ZNF385B: variants seen among roughly 807,000 people sequenced by gnomAD.
ZNF385B encodes the protein zinc finger protein 533.
In ZNF385B, 23 loss-of-function variants were observed where a neutral mutation model predicts 39.2. The observed-to-expected ratio is 0.59, with a 90% CI of 0.42 to 0.83. The LOEUF (loss-of-function observed/expected upper bound fraction) is 0.83, where lower values mean the gene tolerates loss of function less well. Ranked by LOEUF, ZNF385B falls within the 40% of genes least tolerant of loss-of-function variation. The probability of loss-of-function intolerance (pLI) is 0.00; values close to 1 mark genes in which losing one functional copy is unlikely to be tolerated. For synonymous variants in ZNF385B, 205 were observed against 222.6 expected, an observed-to-expected ratio of 0.92 and a Z score of 0.70; for missense variants, 552 against 598.9, an observed-to-expected ratio of 0.92 and a Z score of 0.82.
chr2:179,598,357 A>C (rs1476419824), intron 3 of ZNF385B, among the ~76,000 whole-genome samples: 2 of 152,004 alleles, frequency 1.3e-5, no homozygotes, highest in Non-Finnish European at 2.9e-5. Flanking sequence ...TGAATGGGGT[A>C]TGGACTGGGC....
intron 5 of ZNF385B, among the ~76,000 whole-genome samples, chr2:179,488,876 T>G (rs1182187572): frequency 1.3e-5 from 2 of 152,172 alleles, no homozygotes; most frequent in Admixed American, 6.5e-5. Context: ...TGATTTATTC[T>G]GCAAAAAATT....
intron 3 of ZNF385B, among the ~76,000 whole-genome samples, chr2:179,747,486 GA>G (rs1298150961): frequency 7.9e-5 from 12 of 152,078 alleles, no homozygotes; most frequent in African/African-American, 2.9e-4. Flanking sequence ...GGGCATCATT[GA>G]CTTTGCAATT....
intron 6 of ZNF385B, among the ~76,000 whole-genome samples, chr2:179,456,978 C>A: frequency 6.6e-6 from 1 of 151,960 alleles, no homozygotes; most frequent in East Asian, 1.9e-4. Flanking sequence ...TGTATACATT[C>A]ACGTAAATAC....
chr2:179,737,112 A>G (rs970625633), intron 3 of ZNF385B, among the ~76,000 whole-genome samples: 14 of 152,208 alleles, frequency 9.2e-5, no homozygotes, highest in African/African-American at 3.4e-4. Flanking sequence ...AAATGCAAAC[A>G]TTCAAGCTGG....
chr2:179,728,429 C>G (rs1270840978), intron 3 of ZNF385B, among the ~76,000 whole-genome samples: 1 of 152,070 alleles, frequency 6.6e-6, no homozygotes, highest in Non-Finnish European at 1.5e-5. Flanking sequence ...CTGAAGGTAT[C>G]AAAATCCATT....
rs745563856 is a variant in ZNF385B, at chr2:179,769,556, T to C, written c.245A>G (p.Asp82Gly). Residue 82 changes from aspartate (D) to glycine (G), a missense_variant, in exon 3 of 10, where the codon GAT becomes GGT. By Grantham distance (94) the Asp-to-Gly change is moderately conservative. Transcript: ENST00000410066. Reference sequence around the variant, plus strand: ...CTGGGCGGGTGGTGGGGGCTGCCCATCACTCAGCTGCTTCACTCGTTTGCG... The same window carrying C: ...CTGGGCGGGTGGTGGGGGCTGCCCACCACTCAGCTGCTTCACTCGTTTGCG... ...SHRKRVKQLS[D>G]GQPPPPAQAS... The C allele has an allele frequency of 8.1e-6, 13 of 1,614,118 alleles. No homozygotes were observed. The highest frequency in any genetic ancestry group is 1.0e-5 in the Non-Finnish European group (12 of 1,180,010).
intron 3 of ZNF385B, chr2:179,562,341 A>G: frequency 1.1e-6 from 1 of 948,918 alleles, no homozygotes; most frequent in South Asian, 4.9e-5. Flanking sequence ...TATTTTTGTC[A>G]CATATTTCAT....
chr2:179,719,079 C>T (rs1181404045), intron 3 of ZNF385B, among the ~76,000 whole-genome samples: 3 of 152,010 alleles, frequency 2.0e-5, no homozygotes, highest in Admixed American at 6.6e-5. Flanking sequence ...GCCCTCCTAA[C>T]CATACCATGC....
intron 1 of ZNF385B, among the ~76,000 whole-genome samples, chr2:179,772,230 A>T (rs16866989): frequency 0.18 from 28,122 of 152,146 alleles, 3,129 homozygotes; most frequent in East Asian, 0.49. Flanking sequence ...ATCTTCCATA[A>T]AAAATAAATG....
intron 3 of ZNF385B, among the ~76,000 whole-genome samples, chr2:179,679,620 T>A (rs1029770571): frequency 1.3e-4 from 19 of 151,936 alleles, no homozygotes; most frequent in Non-Finnish European, 5.9e-5. Context: ...GTTGTTGTTG[T>A]TGTTGTTGTT....
In ZNF385B at chr2:179,550,286, G is replaced by A. The variant is rs144303148; in HGVS notation, c.299-5317C>T. On this transcript the variant is annotated intron_variant, in intron 3 of 9. Transcript: ENST00000410066. Reference sequence around the variant, plus strand: ...TCTCTAAGCCCACAATGGTGGCTCTGATAATACTGTGTAATACATGGCTCC... The same window carrying A: ...TCTCTAAGCCCACAATGGTGGCTCTAATAATACTGTGTAATACATGGCTCC... 3.3e-5 allele frequency among the ~76,000 whole-genome samples: 5 copies of A among 149,608 alleles called. 1 individual carries two copies. The South Asian group carries it at 1.1e-3, about 32-fold the overall frequency.
rs1026831632 is a variant in ZNF385B at position 179,807,467 on chromosome 2, G to A, written c.-154-36795C>T. Among the ~76,000 whole-genome samples the A allele has an allele frequency of 5.9e-5, 9 of 151,854 alleles. No homozygotes were observed. In the South Asian group the frequency reaches 1.5e-3, roughly 24 times the overall value. On this transcript the variant is annotated intron_variant, in intron 1 of 9. Transcript: ENST00000410066. Reference sequence around the variant, plus strand: ...ACAAAAATTAGCTAGGCGTTGTGGCGTGTGCCTTGGGAGGCTGAGGCCAGA... The same window carrying A: ...ACAAAAATTAGCTAGGCGTTGTGGCATGTGCCTTGGGAGGCTGAGGCCAGA...
chr2:179,538,108 TTGAC>T (rs2059699880), intron 4 of ZNF385B, among the ~76,000 whole-genome samples: 2 of 152,150 alleles, frequency 1.3e-5, no homozygotes, highest in African/African-American at 2.4e-5. Context: ...TCTTTTTTAT[TTGAC>T]TGGGATAAAT....
intron 5 of ZNF385B, among the ~76,000 whole-genome samples, chr2:179,490,086 A>G (rs1018709252): frequency 6.6e-6 from 1 of 152,172 alleles, no homozygotes; most frequent in Admixed American, 6.5e-5. Context: ...GACATTCTAT[A>G]TTTATTGGCT....
chr2:179,594,032 G>T (rs1184040364), intron 3 of ZNF385B, among the ~76,000 whole-genome samples: 6 of 139,994 alleles, frequency 4.3e-5, no homozygotes, highest in Non-Finnish European at 9.3e-5. Context: ...TTTCAACTTT[G>T]TAAAAGAAAA....
intron 1 of ZNF385B, among the ~76,000 whole-genome samples, chr2:179,786,679 G>A (rs1432106496): frequency 6.6e-6 from 1 of 151,252 alleles, no homozygotes. Flanking sequence ...GCAGTGATAT[G>A]ACAGGTTTCT....
chr2:179,588,128 G>A (rs1425221389), intron 3 of ZNF385B, among the ~76,000 whole-genome samples: 3 of 151,580 alleles, frequency 2.0e-5, no homozygotes, highest in Non-Finnish European at 4.4e-5. Context: ...TCGCTCTGTC[G>A]CCCAGGCTGG....
intron 3 of ZNF385B, among the ~76,000 whole-genome samples, chr2:179,750,051 T>A (rs1702584686): frequency 6.6e-6 from 1 of 152,164 alleles, no homozygotes. Context: ...CACACTTGTA[T>A]AATCCACACC....
At chr2:179,496,785 A>G (rs1346233462) in intron 5 of ZNF385B, among the ~76,000 whole-genome samples, 2 of 152,234 alleles carry the variant, frequency 1.3e-5, no homozygotes, top group Non-Finnish European at 2.9e-5. Context: ...GTGTTGGCTC[A>G]TGCCTGTAAT....
Sources: gnomAD v4.1 joint callset for allele counts (sites outside exome capture counted in the v4.1 genomes callset) on GRCh38, gnomAD v4.1.1 for gene constraint, MANE v1.5 for transcripts, NCBI Gene and HGNC (gene_info 2026-07-23, HGNC 2026-07-21) for gene names.